The following GFI1B variants were observed in gnomAD, a reference collection of about 807,000 sequenced individuals.
The protein encoded by GFI1B is zinc finger protein Gfi-1b.
GFI1B carries 20 observed loss-of-function variants against 35.3 expected under a neutral mutation model. The observed-to-expected ratio is 0.57, with a 90% CI of 0.40 to 0.82. The LOEUF is 0.82. GFI1B is among the 40% of genes least tolerant of loss of function. The pLI, the probability that GFI1B is intolerant of heterozygous loss-of-function variation, is 0.00. For missense variants in GFI1B, 430 were observed against 446.3 expected (o/e 0.96, Z 0.33); for synonymous variants, 178 against 177.6 (o/e 1.00, Z -0.02).
chr9:132,961,991 A>G (rs1454835545), intron 1 of GFI1B, among the ~76,000 whole-genome samples: 1 of 151,934 alleles, frequency 6.6e-6, no homozygotes, highest in African/African-American at 2.4e-5. Flanking sequence ...CTCTCTAGAC[A>G]GGAATTTGGC....
chr9:132,990,237 G>C (rs190612273), intron 6 of GFI1B, among the ~76,000 whole-genome samples: 2 of 149,928 alleles, frequency 1.3e-5, no homozygotes, highest in African/African-American at 5.0e-5. Context: ...TCACACATTC[G>C]CTCACTCATT....
chr9:132,988,689 T>C (rs1259332340), intron 4 of GFI1B, among the ~76,000 whole-genome samples: 2 of 151,762 alleles, frequency 1.3e-5, no homozygotes, highest in Non-Finnish European at 2.9e-5. Flanking sequence ...AGATGAAAGG[T>C]TAAGGTTCAG....
intron 2 of GFI1B, 148 bp downstream of exon 2, chr9:132,986,926 G>A (rs1011235130): frequency 1.8e-5 from 12 of 658,950 alleles, no homozygotes; most frequent in East Asian, 5.4e-5. Context: ...CAGATGAAAG[G>A]AGTAGACAAA....
chr9:132,977,717 G>A (rs999376229), upstream of GFI1B, among the ~76,000 whole-genome samples: 17 of 152,082 alleles, frequency 1.1e-4, no homozygotes, highest in African/African-American at 3.9e-4. Context: ...CTGCCAAATG[G>A]GAAGAAATGC....
At chr9:132,970,436 C>T (rs144272487) in intron 1 of GFI1B, among the ~76,000 whole-genome samples, 11 of 152,222 alleles carry the variant, frequency 7.2e-5, no homozygotes, top group Non-Finnish European at 1.3e-4. Flanking sequence ...CACACACGCA[C>T]GCATGCACGC....
chr9:132,961,322 G>A (rs1231042407), intron 1 of GFI1B, among the ~76,000 whole-genome samples: 1 of 151,542 alleles, frequency 6.6e-6, no homozygotes, highest in Non-Finnish European at 1.5e-5. Flanking sequence ...ATAAATGATA[G>A]ACGGAGAGAA....
chr9:132,989,285 C>G lies in GFI1B; in HGVS notation c.648+87C>G. 1 of 1,331,204 alleles carries G rather than the reference C, an allele frequency of 7.5e-7. No individual in the cohort carries two copies. Among genetic ancestry groups the G allele is most frequent in the Non-Finnish European group, 1.1e-6 (1 of 939,434 alleles). 82.5% of individuals were successfully genotyped at this position (1,331,204 alleles called of 1,614,324 possible). On this transcript the variant is annotated intron_variant, in intron 5 of 6. Transcript: ENST00000372122. The surrounding 1 kb of genome is among the most constrained non-coding windows in gnomAD (Gnocchi z 6.2). ...GCCTGGGGGCTGTGGCTGGGTCCCTCCCCCTGCCCCTGGGGGTGACACAGA... is the reference window on the plus strand; with the variant it reads ...GCCTGGGGGCTGTGGCTGGGTCCCTGCCCCTGCCCCTGGGGGTGACACAGA...
In GFI1B at chr9:132,989,437, C is replaced by T. The variant is rs998776468; in HGVS notation, c.648+239C>T. On this transcript the variant is annotated intron_variant, in intron 5 of 6. Coordinates refer to ENST00000372122, the MANE Select transcript of GFI1B (RefSeq NM_001377304.1). The surrounding 1 kb of genome is among the most constrained non-coding windows in gnomAD (Gnocchi z 6.2). ...CCATCCCTGCCTCAAGGAACTCACT[C>T]TAGGTTAATGGTCATGAAATGTGAA... is the stretch of plus-strand genomic sequence containing the variant. Among the ~76,000 whole-genome samples, 1 of 152,242 alleles carries T rather than the reference C, an allele frequency of 6.6e-6. No individual in the cohort carries two copies. The highest frequency in any genetic ancestry group is 2.4e-5 in the African/African-American group (1 of 41,460).
intron 1 of GFI1B, chr9:132,946,493 C>T (rs975780261): frequency 2.6e-5 from 4 of 152,202 alleles, no homozygotes; most frequent in African/African-American, 9.7e-5. Flanking sequence ...TTCTGTGTCA[C>T]CACCCAAGCA....
chr9:132,989,301 G>GAA lies in GFI1B; in HGVS notation c.648+103_648+104insAA. On this transcript the variant is annotated intron_variant, in intron 5 of 6. Transcript: ENST00000372122. This position sits in a 1 kb window ranked among gnomAD's most constrained non-coding sequence, Gnocchi z 6.2. ...TGGGTCCCTCCCCCTGCCCCTGGGG[G>GAA]TGACACAGATTGGGAGGGGTCCCCT... The GAA allele has an allele frequency of 8.4e-7, 1 of 1,194,210 alleles. No individual in the cohort carries two copies. The highest frequency in any genetic ancestry group is 1.2e-6 in the Non-Finnish European group (1 of 820,254). The allele number at this position is 1,194,210 out of a possible 1,614,324, so 74.0% of individuals were successfully genotyped here.
chr9:132,962,686 A>G lies in GFI1B; in HGVS notation c.-700-10039A>G, dbSNP rs191592280. ...TCTATAAGGAATTACACATGAGATG[A>G]CACACATATTATGTTCTATCAAGGT... On this transcript the variant is annotated intron_variant, in intron 1 of 10. Coordinates refer to the GFI1B transcript ENST00000339463. 113 of 468,804 alleles carry G rather than the reference A, an allele frequency of 2.4e-4. No homozygotes were observed. The Admixed American group carries it at 2.5e-3, about 10-fold the overall frequency. 29.0% of individuals were successfully genotyped at this position (468,804 alleles called of 1,614,324 possible). A position where few individuals can be genotyped will look rare whatever the true frequency, so the allele number is the denominator to read the frequency against.
rs754907314 is a variant in GFI1B, at chr9:132,989,198, GGTGGGCAC to G, written c.648+1_648+8del. 3.7e-6 allele frequency: 6 copies of G among 1,612,548 alleles called. No homozygotes were observed. In the East Asian group the frequency reaches 1.3e-4, roughly 36 times the overall value. On this transcript the variant is annotated splice_donor_variant and splice_donor_5th_base_variant and intron_variant, in intron 5 of 6. Coordinates refer to ENST00000372122, the MANE Select transcript of GFI1B (RefSeq NM_001377304.1). LOFTEE classifies it high-confidence loss of function. The surrounding 1 kb of genome is among the most constrained non-coding windows in gnomAD (Gnocchi z 6.2). ...AGCAGCACACGCACGTCCACTCCCA[GGTGGGCAC>G]CTGGCCCAGCGCAGGACTCCCAGCC...
At chr9:132,960,400 C>T (rs529735134) in intron 1 of GFI1B, among the ~76,000 whole-genome samples, 2 of 152,318 alleles carry the variant, frequency 1.3e-5, no homozygotes, top group South Asian at 2.1e-4. Context: ...GTAGGCAACG[C>T]AGAACCCCTG....
rs201494817 is a variant in GFI1B at position 132,988,474 on chromosome 9, C to A, written c.510+6C>A. 3.1e-6 allele frequency: 5 copies of A among 1,612,674 alleles called. No homozygotes were observed. The East Asian group carries it at 8.9e-5, about 29-fold the overall frequency. ...ACTGTGTGAAGTGCAACAAGGTGGG[C>A]AGCGGGGGGTGTGGTGGGCACCTGG... On this transcript the variant is annotated splice_donor_region_variant and intron_variant, in intron 4 of 6. Transcript: ENST00000372122.
At chr9:132,971,636 CAGA>C (rs1412846722) in intron 1 of GFI1B, among the ~76,000 whole-genome samples, 13 of 152,048 alleles carry the variant, frequency 8.5e-5, no homozygotes, top group African/African-American at 2.9e-4. Context: ...GCAAGAGAGA[CAGA>C]AGGAGAGACA....
chr9:132,968,125 TATTTG>T (rs1246268911), intron 1 of GFI1B, among the ~76,000 whole-genome samples: 1 of 144,850 alleles, frequency 6.9e-6, no homozygotes, highest in Non-Finnish European at 1.5e-5. Context: ...TTTATTTATT[TATTTG>T]ATTTGAGACA....
intron 1 of GFI1B, among the ~76,000 whole-genome samples, chr9:132,955,807 CATGT>C (rs1045308376): frequency 4.8e-4 from 41 of 84,940 alleles, no homozygotes; most frequent in African/African-American, 1.4e-3. Flanking sequence ...TGTGTGTGTG[CATGT>C]GTGTGTGTGT....
rs1337269858 is a variant in GFI1B, at chr9:132,988,485, G to A, written c.510+17G>A. 1.2e-6 allele frequency: 2 copies of A among 1,611,154 alleles called. No individual in the cohort carries two copies. The highest frequency in any genetic ancestry group is 8.5e-7 in the Non-Finnish European group (1 of 1,179,232). On this transcript the variant is annotated intron_variant, in intron 4 of 6. Coordinates refer to ENST00000372122, the MANE Select transcript of GFI1B (RefSeq NM_001377304.1). The stretch of plus-strand genomic sequence containing the variant: ...TGCAACAAGGTGGGCAGCGGGGGGT[G>A]TGGTGGGCACCTGGGCCCTCCTCTC...
At chr9:132,950,984 T>A (rs1017089889) in intron 1 of GFI1B, among the ~76,000 whole-genome samples, 3 of 151,558 alleles carry the variant, frequency 2.0e-5, no homozygotes, top group African/African-American at 7.3e-5. Flanking sequence ...ACCACAGGAG[T>A]GTGGTATCAC....
Sources: gnomAD v4.1 joint callset for allele counts (sites outside exome capture counted in the v4.1 genomes callset) on GRCh38, gnomAD v4.1.1 for gene constraint, Gnocchi (gnomAD v3.1) non-coding constraint, MANE v1.5 for transcripts, NCBI Gene and HGNC (gene_info 2026-07-23, HGNC 2026-07-21) for gene names.